Variants in IFTAP observed in about 807,000 individuals in gnomAD.
IFTAP encodes intraflagellar transport-associated protein.
In IFTAP, 19 loss-of-function variants were observed where a neutral mutation model predicts 19.4. That is an observed-to-expected ratio of 0.98 (90% confidence interval 0.68 to 1.44). The LOEUF is 1.44. Ranked by LOEUF, IFTAP falls within the 40% of genes most tolerant of loss-of-function variation. The pLI, the probability that IFTAP is intolerant of heterozygous loss-of-function variation, is 0.00. For missense variants in IFTAP, 240 were observed against 253.6 expected (o/e 0.95, Z 0.36); for synonymous variants, 85 against 83.5 (o/e 1.02, Z -0.10).
chr11:36,634,284 T>G (rs1314377921), intron 3 of IFTAP, among the ~76,000 whole-genome samples: 2 of 152,128 alleles, frequency 1.3e-5, no homozygotes, highest in Admixed American at 6.5e-5. Flanking sequence ...GAAAATGTTG[T>G]GTTACCATTC....
chr11:36,614,164 C>T (rs1315762223), intron 2 of IFTAP, among the ~76,000 whole-genome samples: 3 of 144,594 alleles, frequency 2.1e-5, no homozygotes, highest in Admixed American at 7.0e-5. Context: ...TGAGAATATG[C>T]GGTGTTTGGT....
At chr11:36,638,007 A>G (rs1482634525) in intron 4 of IFTAP, among the ~76,000 whole-genome samples, 3 of 151,914 alleles carry the variant, frequency 2.0e-5, no homozygotes, top group Admixed American at 1.3e-4. Context: ...CAGCCTCCCA[A>G]GTAGCTGGGA....
chr11:36,607,967 G>A lies in IFTAP; in HGVS notation c.-23-2114G>A, dbSNP rs187660835. On this transcript the variant is annotated intron_variant, in intron 1 of 5. Coordinates refer to ENST00000334307, the MANE Select transcript of IFTAP (RefSeq NM_138787.4). ...GGATGTAATCCCTTTTTATAGATAC[G>A]GGGAAACAGAGACCCAGAGAGGTCA... Among the ~76,000 whole-genome samples the A allele has an allele frequency of 3.9e-5, 6 of 152,140 alleles. No individual in the cohort carries two copies. The East Asian group carries it at 7.7e-4, about 20-fold the overall frequency.
intron 4 of IFTAP, among the ~76,000 whole-genome samples, chr11:36,644,434 A>G (rs1363657459): frequency 6.6e-6 from 1 of 152,224 alleles, no homozygotes; most frequent in Non-Finnish European, 1.5e-5. Flanking sequence ...TGCGGAAGAC[A>G]GTGTGGCGAT....
intron 2 of IFTAP, among the ~76,000 whole-genome samples, chr11:36,620,276 T>C (rs1852244736): frequency 6.6e-6 from 1 of 151,882 alleles, no homozygotes; most frequent in African/African-American, 2.4e-5. Flanking sequence ...TTGAATGAAG[T>C]GAACTAATTT....
At position 36,632,001 on chromosome 11, in the gene IFTAP, C is replaced by T. The variant is rs930523298; in HGVS notation, c.137-1283C>T. Among the ~76,000 whole-genome samples, 9 of 151,228 alleles carry T rather than the reference C, an allele frequency of 6.0e-5. 1 individual carries two copies. The highest frequency in any genetic ancestry group is 2.2e-4 in the African/African-American group (9 of 40,546). ...TCTAAAGACCTTTTCTTTTCATTTACTGCATTAATGCAGGAAGCAAGGCAC... is the reference window on the plus strand; with the variant it reads ...TCTAAAGACCTTTTCTTTTCATTTATTGCATTAATGCAGGAAGCAAGGCAC... On this transcript the variant is annotated intron_variant, in intron 2 of 5. Coordinates refer to ENST00000334307, the MANE Select transcript of IFTAP (RefSeq NM_138787.4).
At chr11:36,596,211 G>GTTTTTTTTTTTTTTTTTTTTTT (rs1243664769) in intron 1 of IFTAP, among the ~76,000 whole-genome samples, 4 of 101,154 alleles carry the variant, frequency 4.0e-5, no homozygotes, top group African/African-American at 1.6e-4. Flanking sequence ...AGATGGTAGT[G>GTTTTTTTTTTTTTTTTTTTTTT]TTTTTTTTTT....
chr11:36,616,859 T>G (rs568287215), intron 2 of IFTAP, among the ~76,000 whole-genome samples: 181 of 149,114 alleles, frequency 1.2e-3, no homozygotes, highest in Middle Eastern at 3.4e-3. Context: ...TTTAAATTAA[T>G]TTAAATTTAA....
chr11:36,623,943 C>A (rs1198059313), intron 2 of IFTAP, among the ~76,000 whole-genome samples: 1 of 151,954 alleles, frequency 6.6e-6, no homozygotes, highest in Non-Finnish European at 1.5e-5. Context: ...AGAATCTTGA[C>A]CTACAATAGA....
chr11:36,634,974 A>G (rs1852879709), intron 3 of IFTAP, among the ~76,000 whole-genome samples: 1 of 151,534 alleles, frequency 6.6e-6, no homozygotes, highest in African/African-American at 2.4e-5. Context: ...ATAACAATAT[A>G]ATATGACAGA....
intron 4 of IFTAP, among the ~76,000 whole-genome samples, chr11:36,640,381 C>T (rs1384490289): frequency 1.3e-5 from 2 of 152,178 alleles, no homozygotes; most frequent in African/African-American, 4.8e-5. Context: ...AATTTTATTA[C>T]ATATTACATC....
intron 1 of IFTAP, among the ~76,000 whole-genome samples, chr11:36,597,247 A>G (rs1223436764): frequency 6.6e-6 from 1 of 152,234 alleles, no homozygotes; most frequent in Non-Finnish European, 1.5e-5. Flanking sequence ...GGAGTAGACC[A>G]TTGTATCTCT....
intron 1 of IFTAP, among the ~76,000 whole-genome samples, chr11:36,607,092 C>G (rs1265646158): frequency 6.6e-6 from 1 of 152,164 alleles, no homozygotes; most frequent in African/African-American, 2.4e-5. Context: ...TCACTCAATC[C>G]TCTACAACTC....
At chr11:36,656,630 C>CT (rs886912311) in intron 5 of IFTAP, among the ~76,000 whole-genome samples, 1 of 151,838 alleles carries the variant, frequency 6.6e-6, no homozygotes, top group African/African-American at 2.4e-5. Context: ...TTCTGTTTCC[C>CT]TTTTTTGCAT....
At chr11:36,652,265 C>T (rs1264625767) in intron 5 of IFTAP, among the ~76,000 whole-genome samples, 3 of 152,144 alleles carry the variant, frequency 2.0e-5, no homozygotes, top group Non-Finnish European at 4.4e-5. Context: ...AGAGGTCCTT[C>T]ACGTCCCTTG....
intron 3 of IFTAP, among the ~76,000 whole-genome samples, chr11:36,635,372 T>A (rs1185904295): frequency 6.6e-6 from 1 of 152,224 alleles, no homozygotes; most frequent in Non-Finnish European, 1.5e-5. Flanking sequence ...TAATCTAAAA[T>A]GTCTCATTGT....
intron 1 of IFTAP, among the ~76,000 whole-genome samples, chr11:36,604,412 T>C (rs1182275009): frequency 6.6e-6 from 1 of 152,186 alleles, no homozygotes; most frequent in Non-Finnish European, 1.5e-5. Context: ...GAATTGTATG[T>C]TTTTTATTTC....
rs375243176 is a variant in IFTAP, at chr11:36,610,250, G to C, written c.136+11G>C. The C allele has an allele frequency of 5.7e-6, 9 of 1,591,080 alleles. No individual in the cohort carries two copies. Among genetic ancestry groups the C allele is most frequent in the Non-Finnish European group, 6.9e-6 (8 of 1,165,758 alleles). On this transcript the variant is annotated intron_variant, in intron 2 of 5. Transcript: ENST00000334307. ...CTCATCTTTCACAAGGTAAAATGGA[G>C]AAGTAAACTTTCTGCAGCAATGGAG...
chr11:36,623,044 T>G (rs1010350591), intron 2 of IFTAP, among the ~76,000 whole-genome samples: 1 of 152,168 alleles, frequency 6.6e-6, no homozygotes, highest in Non-Finnish European at 1.5e-5. Flanking sequence ...AGTATCAGAT[T>G]CTTCTTTTTA....
Sources: allele counts gnomAD v4.1 joint callset (sites outside exome capture counted in the v4.1 genomes callset), GRCh38; gene constraint gnomAD v4.1.1; transcripts MANE v1.5; gene names NCBI Gene and HGNC (gene_info 2026-07-23, HGNC 2026-07-21).